The following MRGPRX3 variants were observed in gnomAD, a reference collection of about 807,000 sequenced individuals.
MRGPRX3 encodes the protein mas-related G protein-coupled receptor member X3.
MRGPRX3 carries 14 observed loss-of-function variants against 16.5 expected under a neutral mutation model. That is an observed-to-expected ratio of 0.85 (90% confidence interval 0.56 to 1.33). The LOEUF (loss-of-function observed/expected upper bound fraction) is 1.33. Ranked by LOEUF, MRGPRX3 falls within the 40% of genes most tolerant of loss-of-function variation. The probability of loss-of-function intolerance (pLI) is 0.00; values close to 1 mark genes in which losing one functional copy is unlikely to be tolerated. For missense variants in MRGPRX3, 449 were observed against 413.0 expected, an observed-to-expected ratio of 1.09 and a Z score of -0.76; for synonymous variants, 199 against 180.1, an observed-to-expected ratio of 1.10 and a Z score of -0.84.
chr11:18,136,105 C>G (rs1849005439), intron 1 of MRGPRX3, among the ~76,000 whole-genome samples: 1 of 152,164 alleles, frequency 6.6e-6, no homozygotes, highest in Admixed American at 6.5e-5. Context: ...TCCTCTCATA[C>G]AAATGTTTGC....
At position 18,137,373 on chromosome 11, in the gene MRGPRX3, C is replaced by T; in HGVS notation, c.171C>T (p.Arg57=). The stretch of plus-strand genomic sequence containing the variant: ...TCTGGCTCCTGGGCTGCCGCATGCG[C>T]AGGAACGCTGTCTCCATCTACATCC... ...VVLWLLGCRM[R]RNAVSIYILN... Residue 57 remains arginine (R), a synonymous_variant, in exon 2 of 2, where the codon CGC becomes CGT. Transcript: ENST00000621697. 1.2e-6 allele frequency: 2 copies of T among 1,614,194 alleles called. No homozygotes were observed. The highest frequency in any genetic ancestry group is 1.7e-6 in the Non-Finnish European group (2 of 1,180,040).
At chr11:18,136,413 C>T (rs1849007935) in intron 1 of MRGPRX3, among the ~76,000 whole-genome samples, 1 of 152,208 alleles carries the variant, frequency 6.6e-6, no homozygotes, top group Non-Finnish European at 1.5e-5. Context: ...AGGTTTTGGG[C>T]ACTCATCAAT....
At chr11:18,121,872 C>A (rs1040154567) in intron 1 of MRGPRX3, among the ~76,000 whole-genome samples, 1 of 152,212 alleles carries the variant, frequency 6.6e-6, no homozygotes, top group African/African-American at 2.4e-5. Context: ...CGGAAGGCCT[C>A]AGGGTCCTCT....
intron 1 of MRGPRX3, among the ~76,000 whole-genome samples, chr11:18,134,616 G>A (rs936845094): frequency 1.1e-4 from 16 of 152,092 alleles, no homozygotes; most frequent in African/African-American, 1.4e-4. Flanking sequence ...GACACTCTTC[G>A]AGATCTGAAC....
intron 1 of MRGPRX3, among the ~76,000 whole-genome samples, chr11:18,127,039 T>C (rs1848905426): frequency 1.3e-5 from 2 of 152,250 alleles, no homozygotes; most frequent in South Asian, 2.1e-4. Flanking sequence ...ATGGTATTTC[T>C]AGTCCTAGAT....
At position 18,137,833 on chromosome 11, in the gene MRGPRX3, C is replaced by A. The variant is rs1179927420; in HGVS notation, c.631C>A (p.Leu211Met). ...TCTCTGTGGATCCCGGAAGATGCCG[C>A]TGACCAGGCTGTACGTGACCATCCT... ...RILCGSRKMPLTRLYVTILLT... is the reference protein window; with the variant it reads ...RILCGSRKMPMTRLYVTILLT... The change falls in exon 2 of 2, where the codon CTG (leucine) becomes ATG (methionine). Residue 211 changes from leucine (L) to methionine (M), a missense_variant. Transcript: ENST00000621697. The A allele has an allele frequency of 1.2e-6, 2 of 1,614,216 alleles. No individual in the cohort carries two copies. The highest frequency in any genetic ancestry group is 2.2e-5 in the South Asian group (2 of 91,080).
Position 18,137,706 on chromosome 11 carries a change from T to C in MRGPRX3, c.504T>C (p.Ala168=). 1 of 1,614,016 alleles carries C rather than the reference T, an allele frequency of 6.2e-7. No homozygotes were observed. Among genetic ancestry groups the C allele is most frequent in the East Asian group, 2.2e-5 (1 of 44,882 alleles). The change falls in exon 2 of 2, where the codon GCT becomes GCC. Residue 168 remains alanine, a synonymous_variant. Coordinates refer to ENST00000621697, the MANE Select transcript of MRGPRX3 (RefSeq NM_001370464.1). ...TCTGTGACTTCCTGTTTAGTGGTGCTAATTCTGTTTGGTGTGAAACGTCAG... is the reference window on the plus strand; with the variant it reads ...TCTGTGACTTCCTGTTTAGTGGTGCCAATTCTGTTTGGTGTGAAACGTCAG... ...WMFCDFLFSG[A]NSVWCETSDF...
In MRGPRX3 at chr11:18,132,623, G is replaced by C. The variant is rs577726482; in HGVS notation, c.-142G>C. The C allele has an allele frequency of 2.4e-4, 36 of 152,274 alleles. No homozygotes were observed. The highest frequency in any genetic ancestry group is 8.4e-4 in the African/African-American group (35 of 41,532). The allele number at this position is 152,274 out of a possible 1,614,324, so 9.4% of individuals were successfully genotyped here. Reference sequence around the variant, plus strand: ...CCAGCTTTCATTTCAGCTCCTGTAGGCATCTCCTGAATTAAGCAACACAGA... The same window carrying C: ...CCAGCTTTCATTTCAGCTCCTGTAGCCATCTCCTGAATTAAGCAACACAGA... On this transcript the variant is annotated 5_prime_UTR_variant, in exon 1 of 2. Transcript: ENST00000621697.
At chr11:18,126,800 G>A (rs930420133) in intron 1 of MRGPRX3, among the ~76,000 whole-genome samples, 1 of 152,158 alleles carries the variant, frequency 6.6e-6, no homozygotes, top group African/African-American at 2.4e-5. Context: ...CTTCATCCAT[G>A]TCCCTACAAA....
Position 18,137,797 on chromosome 11 carries a change from C to G in MRGPRX3, c.595C>G (p.Leu199Val), listed in dbSNP as rs1403986304. 2.5e-6 allele frequency: 4 copies of G among 1,613,908 alleles called. No individual in the cohort carries two copies. Among genetic ancestry groups the G allele is most frequent in the Non-Finnish European group, 3.4e-6 (4 of 1,179,958 alleles). The change falls in exon 2 of 2, where the codon CTG becomes GTG. Residue 199 changes from leucine (L) to valine (V), a missense_variant. By Grantham distance (32) the Leu-to-Val change is conservative (BLOSUM62 1). Coordinates refer to ENST00000621697, the MANE Select transcript of MRGPRX3 (RefSeq NM_001370464.1). ...TCTCTGTGGGTCCAGCCTGGTCCTGCTGGTCAGGATTCTCTGTGGATCCCG... is the reference window on the plus strand; with the variant it reads ...TCTCTGTGGGTCCAGCCTGGTCCTGGTGGTCAGGATTCTCTGTGGATCCCG... ...VVLCGSSLVL[L>V]VRILCGSRKM... is the part of the protein sequence containing the mutation.
chr11:18,131,779 C>T (rs73432046), upstream of MRGPRX3, among the ~76,000 whole-genome samples: 2,809 of 152,078 alleles, frequency 0.018, 79 homozygotes, highest in African/African-American at 0.063. Flanking sequence ...GAATTGGAGA[C>T]CCTTATTCTA....
chr11:18,126,649 A>G (rs1848899370), intron 1 of MRGPRX3, among the ~76,000 whole-genome samples: 2 of 148,564 alleles, frequency 1.3e-5, no homozygotes, highest in South Asian at 4.3e-4. Context: ...CCCTTCCCCC[A>G]CCCCACAACC....
intron 1 of MRGPRX3, among the ~76,000 whole-genome samples, chr11:18,127,540 C>T (rs1255504112): frequency 1.3e-5 from 2 of 152,200 alleles, no homozygotes; most frequent in Non-Finnish European, 2.9e-5. Flanking sequence ...ATCACTGATA[C>T]CCTTTCTTCC....
At chr11:18,136,146 C>T (rs913175562) in intron 1 of MRGPRX3, among the ~76,000 whole-genome samples, 15 of 152,222 alleles carry the variant, frequency 9.9e-5, no homozygotes, top group Admixed American at 5.9e-4. Context: ...AAAGATCTCC[C>T]GAAAGAGAGA....
Position 18,138,268 on chromosome 11 carries a change from A to C in MRGPRX3, c.*97A>C. ...ATTTTTCTTAGCCTTCTGCCTCAGAAATGTCTCAGTGGTCCCTCAAGGTCT... is the reference window on the plus strand; with the variant it reads ...ATTTTTCTTAGCCTTCTGCCTCAGACATGTCTCAGTGGTCCCTCAAGGTCT... On this transcript the variant is annotated 3_prime_UTR_variant, in exon 2 of 2. Transcript: ENST00000621697. The C allele has an allele frequency of 6.6e-7, 1 of 1,509,666 alleles. No homozygotes were observed. The highest frequency in any genetic ancestry group is 2.3e-5 in the Admixed American group (1 of 44,104). The allele number at this position is 1,509,666 out of a possible 1,614,324, so 93.5% of individuals were successfully genotyped here.
Position 18,138,190 on chromosome 11 carries a change from T to C in MRGPRX3, c.*19T>C. The C allele has an allele frequency of 6.3e-7, 1 of 1,582,290 alleles. No homozygotes were observed. Among genetic ancestry groups the C allele is most frequent in the South Asian group, 1.2e-5 (1 of 86,226 alleles). ...GCAGTGAGGAAGAACCTCTGCCCTGTCAGACAGGACTTTGAGAGCAATGCT... is the reference window on the plus strand; with the variant it reads ...GCAGTGAGGAAGAACCTCTGCCCTGCCAGACAGGACTTTGAGAGCAATGCT... On this transcript the variant is annotated 3_prime_UTR_variant, in exon 2 of 2. Transcript: ENST00000621697.
At chr11:18,130,892 C>T (rs1418223127), upstream of MRGPRX3, among the ~76,000 whole-genome samples, 1 of 151,994 alleles carries the variant, frequency 6.6e-6, no homozygotes, top group African/African-American at 2.4e-5. Context: ...TAATTATAGC[C>T]AACTGATTTT....
chr11:18,128,546 C>G (rs566483218), upstream of MRGPRX3, among the ~76,000 whole-genome samples: 1 of 152,218 alleles, frequency 6.6e-6, no homozygotes, highest in Non-Finnish European at 1.5e-5. Flanking sequence ...TAGCAATGAG[C>G]GAGGCTCCAT....
At chr11:18,125,854 T>C (rs1180089386) in intron 1 of MRGPRX3, among the ~76,000 whole-genome samples, 1 of 152,224 alleles carries the variant, frequency 6.6e-6, no homozygotes, top group African/African-American at 2.4e-5. Flanking sequence ...AGGACTTGCT[T>C]TATGAATCTG....
Sources: allele counts gnomAD v4.1 joint callset (sites outside exome capture counted in the v4.1 genomes callset), GRCh38; gene constraint gnomAD v4.1.1; transcripts MANE v1.5; gene names NCBI Gene and HGNC (gene_info 2026-07-23, HGNC 2026-07-21).